Variants in CNTN4 observed in about 807,000 individuals in gnomAD.
The protein encoded by CNTN4 is contactin-4.
CNTN4 carries 77 observed loss-of-function variants against 122.5 expected under a neutral mutation model. The observed-to-expected ratio is 0.63, with a 90% CI of 0.52 to 0.76. The LOEUF is 0.76. Among genes scored for constraint, CNTN4 ranks in the 30% least tolerant of loss-of-function variants. CNTN4 has a pLI of 0.00. For missense variants in CNTN4, 1,256 were observed against 1,259.1 expected, an observed-to-expected ratio of 1.00 and a Z score of 0.04; for synonymous variants, 512 against 447.0, an observed-to-expected ratio of 1.15 and a Z score of -1.83.
At chr3:2,577,540 G>T (rs1035498700) in intron 4 of CNTN4, among the ~76,000 whole-genome samples, 4 of 152,154 alleles carry the variant, frequency 2.6e-5, no homozygotes, top group Admixed American at 1.3e-4. Flanking sequence ...TACAATGAAG[G>T]AGTTGAACAG....
intron 3 of CNTN4, among the ~76,000 whole-genome samples, chr3:2,443,357 C>A (rs1301583026): frequency 2.6e-5 from 4 of 152,136 alleles, no homozygotes; most frequent in African/African-American, 9.7e-5. Flanking sequence ...TCTCATTTGT[C>A]AGCCAGGGCC....
chr3:2,974,599 C>T (rs981135744), intron 13 of CNTN4, among the ~76,000 whole-genome samples: 4 of 152,154 alleles, frequency 2.6e-5, no homozygotes, highest in African/African-American at 7.2e-5. Context: ...TGTAGTACAT[C>T]AATGTGGCCG....
chr3:2,604,254 A>T (rs1038114868), intron 4 of CNTN4, among the ~76,000 whole-genome samples: 5 of 152,182 alleles, frequency 3.3e-5, no homozygotes, highest in African/African-American at 7.2e-5. Context: ...TATTTTTTTT[A>T]AAAAGTGGAG....
chr3:2,443,501 G>T (rs2048512063), intron 3 of CNTN4, among the ~76,000 whole-genome samples: 1 of 152,124 alleles, frequency 6.6e-6, no homozygotes, highest in Non-Finnish European at 1.5e-5. Flanking sequence ...CTTAGCGTTA[G>T]TTCTAAAGAG....
chr3:2,960,894 C>G (rs1180731554), intron 13 of CNTN4, among the ~76,000 whole-genome samples: 1 of 152,060 alleles, frequency 6.6e-6, no homozygotes, highest in Non-Finnish European at 1.5e-5. Flanking sequence ...GGAGCCTACC[C>G]CTTGCGGCTT....
chr3:2,284,792 TA>T, intron 2 of CNTN4, among the ~76,000 whole-genome samples: 1 of 151,926 alleles, frequency 6.6e-6, no homozygotes, highest in African/African-American at 2.4e-5. Flanking sequence ...TAAGAGTCAT[TA>T]AAAAAATCTT....
At chr3:2,118,124 T>C (rs1053276331) in intron 2 of CNTN4, among the ~76,000 whole-genome samples, 1 of 152,244 alleles carries the variant, frequency 6.6e-6, no homozygotes, top group African/African-American at 2.4e-5. Flanking sequence ...GTTTTTATTA[T>C]ATTATCTCAT....
At chr3:2,956,953 G>A (rs1035348394) in intron 13 of CNTN4, among the ~76,000 whole-genome samples, 6 of 152,142 alleles carry the variant, frequency 3.9e-5, no homozygotes, top group African/African-American at 1.4e-4. Flanking sequence ...CATCCTTGTT[G>A]CTGCAATGGC....
intron 4 of CNTN4, among the ~76,000 whole-genome samples, chr3:2,640,387 T>C (rs2082849135): frequency 6.6e-6 from 1 of 152,234 alleles, no homozygotes; most frequent in African/African-American, 2.4e-5. Context: ...GAATAAGGCT[T>C]TCTACCAAAA....
chr3:2,146,536 C>T (rs1046582430), intron 2 of CNTN4, among the ~76,000 whole-genome samples: 4 of 152,008 alleles, frequency 2.6e-5, no homozygotes, highest in Admixed American at 2.6e-4. Context: ...ATTAGTTACC[C>T]TTATTATAAT....
intron 2 of CNTN4, among the ~76,000 whole-genome samples, chr3:2,196,811 G>A (rs973293096): frequency 6.6e-6 from 1 of 151,914 alleles, no homozygotes; most frequent in Non-Finnish European, 1.5e-5. Flanking sequence ...TTGGAAGGCC[G>A]AGGTGGGCAG....
chr3:2,718,530 C>T (rs138374154), intron 4 of CNTN4, among the ~76,000 whole-genome samples: 158 of 152,272 alleles, frequency 1.0e-3, no homozygotes, highest in Non-Finnish European at 2.0e-3. Flanking sequence ...ATAGTCATTA[C>T]CCAGACAAGG....
intron 14 of CNTN4, among the ~76,000 whole-genome samples, chr3:3,001,656 C>T (rs986701394): frequency 2.6e-5 from 4 of 152,042 alleles, no homozygotes. Context: ...GATACTGCCA[C>T]ATCCTCTGTA....
rs1052380466 is a variant in CNTN4 at position 3,005,791 on chromosome 3, T to TA, written c.1486+17320dup. Reference sequence around the variant, plus strand: ...ATTTCCCAAAGACCCCACCTCCTGATACCATCACATTGGGATTAGAGTTTC... The same window carrying TA: ...ATTTCCCAAAGACCCCACCTCCTGATAACCATCACATTGGGATTAGAGTTTC... On this transcript the variant is annotated intron_variant, in intron 14 of 24. Coordinates refer to ENST00000418658, the MANE Select transcript of CNTN4 (RefSeq NM_175607.3). 6.2e-4 allele frequency among the ~76,000 whole-genome samples: 94 copies of TA among 152,186 alleles called. 1 individual carries two copies. The highest frequency in any genetic ancestry group is 2.2e-3 in the African/African-American group (92 of 41,528).
chr3:2,643,228 C>T (rs1390850491), intron 4 of CNTN4, among the ~76,000 whole-genome samples: 1 of 152,138 alleles, frequency 6.6e-6, no homozygotes, highest in Non-Finnish European at 1.5e-5. Flanking sequence ...AACTAGAGTG[C>T]AGTGGTGCTA....
chr3:2,241,608 A>T (rs952290972), intron 2 of CNTN4, among the ~76,000 whole-genome samples: 1 of 152,008 alleles, frequency 6.6e-6, no homozygotes, highest in African/African-American at 2.4e-5. Flanking sequence ...AGAACTCTTT[A>T]CTCAAGGTCA....
chr3:2,125,330 C>CTGTG (rs397721422), intron 2 of CNTN4, among the ~76,000 whole-genome samples: 24,637 of 143,282 alleles, frequency 0.17, 2,228 homozygotes, highest in South Asian at 0.34. Context: ...ATTCTATTCT[C>CTGTG]TGTGTGTGTG....
intron 3 of CNTN4, among the ~76,000 whole-genome samples, chr3:2,367,594 A>T (rs13070893): frequency 2.0e-5 from 3 of 151,896 alleles, no homozygotes; most frequent in Non-Finnish European, 4.4e-5. Context: ...GCACAATCTC[A>T]GCTCACTGCA....
intron 3 of CNTN4, among the ~76,000 whole-genome samples, chr3:2,496,455 T>C (rs1360593506): frequency 6.6e-6 from 1 of 152,160 alleles, no homozygotes; most frequent in East Asian, 1.9e-4. Flanking sequence ...TAACATTTAT[T>C]ATCGATGAAG....
Sources: gnomAD v4.1 joint callset for allele counts (sites outside exome capture counted in the v4.1 genomes callset) on GRCh38, gnomAD v4.1.1 for gene constraint, MANE v1.5 for transcripts, NCBI Gene and HGNC (gene_info 2026-07-23, HGNC 2026-07-21) for gene names.